CHURC1: variants seen among roughly 807,000 people sequenced by gnomAD.
The protein encoded by CHURC1 is protein Churchill.
Under a neutral mutation model 15.4 loss-of-function variants are expected in CHURC1, and 12 were observed. That is an observed-to-expected ratio of 0.78 (90% confidence interval 0.50 to 1.27). CHURC1 has a LOEUF of 1.27. CHURC1 is among the 50% of genes most tolerant of loss of function. The pLI, the probability that CHURC1 is intolerant of heterozygous loss-of-function variation, is 0.00. For missense variants in CHURC1, 132 were observed against 137.8 expected (o/e 0.96, Z 0.21); for synonymous variants, 42 against 47.5 (o/e 0.88, Z 0.48).
chr14:64,932,244 G>C lies in CHURC1; in HGVS notation c.*14G>C. ...CTCTTATTCTAAGGATCCTTCTACA[G>C]ATCTGTTATAACTATATTGTGTTGG... On this transcript the variant is annotated 3_prime_UTR_variant, in exon 4 of 4. Coordinates refer to ENST00000549115, the MANE Select transcript of CHURC1 (RefSeq NM_001386928.1). 1 of 1,613,514 alleles carries C rather than the reference G, an allele frequency of 6.2e-7. No individual in the cohort carries two copies. Among genetic ancestry groups the C allele is most frequent in the Non-Finnish European group, 8.5e-7 (1 of 1,179,626 alleles).
intron 3 of CHURC1, among the ~76,000 whole-genome samples, chr14:64,927,732 T>TCCCCCCCCC (rs1566830855): frequency 5.3e-4 from 57 of 106,604 alleles, no homozygotes; most frequent in Non-Finnish European, 7.4e-4. Flanking sequence ...CCCCCCGCCG[T>TCCCCCCCCC]CAATTCATAC....
chr14:64,918,549 C>T lies in CHURC1; in HGVS notation c.39+4015C>T, dbSNP rs554532279. On this transcript the variant is annotated intron_variant, in intron 1 of 3. Coordinates refer to ENST00000549115, the MANE Select transcript of CHURC1 (RefSeq NM_001386928.1). ...GAAGGGTAATAAGAAGATGGTGGGCCGGGCCTAGTGGCTCACACGTGTAAT... is the reference window on the plus strand; with the variant it reads ...GAAGGGTAATAAGAAGATGGTGGGCTGGGCCTAGTGGCTCACACGTGTAAT... Among the ~76,000 whole-genome samples, 13 of 152,238 alleles carry T rather than the reference C, an allele frequency of 8.5e-5. 2 individuals are homozygous for T. Among genetic ancestry groups the T allele is most frequent in the Middle Eastern group, 3.4e-3 (1 of 294 alleles).
At chr14:64,925,067 C>T (rs913433854) in intron 2 of CHURC1, among the ~76,000 whole-genome samples, 3 of 152,144 alleles carry the variant, frequency 2.0e-5, no homozygotes, top group Non-Finnish European at 4.4e-5. Context: ...AGCAAGGGCC[C>T]TGGAGCTAGG....
chr14:64,931,426 T>TG (rs1323129054), intron 3 of CHURC1, among the ~76,000 whole-genome samples: 1 of 151,988 alleles, frequency 6.6e-6, no homozygotes, highest in Non-Finnish European at 1.5e-5. Context: ...CTCAATTACT[T>TG]GGGGGTCTGA....
chr14:64,921,434 A>G (rs1007514621), intron 1 of CHURC1, among the ~76,000 whole-genome samples: 13 of 152,036 alleles, frequency 8.6e-5, no homozygotes, highest in African/African-American at 2.9e-4. Flanking sequence ...TTGGGAAAAA[A>G]CTTGTATCTA....
intron 3 of CHURC1, 131 bp downstream of exon 3, chr14:64,926,211 C>CTTTTTTT (rs3033502): frequency 2.1e-5 from 4 of 187,952 alleles, no homozygotes; most frequent in African/African-American, 6.5e-5. Context: ...GAGACTATGC[C>CTTTTTTT]TTTTTTTTTT....
chr14:64,927,727 CG>C (rs1263652170), intron 3 of CHURC1, among the ~76,000 whole-genome samples: 72 of 122,640 alleles, frequency 5.9e-4, no homozygotes, highest in Non-Finnish European at 9.4e-4. Context: ...CCCCCCCCCC[CG>C]CCGTCAATTC....
chr14:64,926,479 G>A (rs1443705083), intron 3 of CHURC1, among the ~76,000 whole-genome samples: 1 of 152,124 alleles, frequency 6.6e-6, no homozygotes, highest in Non-Finnish European at 1.5e-5. Context: ...TGTCATTTTT[G>A]TTTATAAAGA....
In CHURC1 at chr14:64,914,474, A is replaced by G. The variant is rs756800408; in HGVS notation, c.-22A>G. On this transcript the variant is annotated 5_prime_UTR_variant, in exon 1 of 4. Coordinates refer to ENST00000549115, the MANE Select transcript of CHURC1 (RefSeq NM_001386928.1). ...CGTCTTCCCGGAAGCGTTGGAGGAC[A>G]TTCCCTGTTGACTGCGTCGCGATGT... is the stretch of plus-strand genomic sequence containing the variant. 4 of 1,614,274 alleles carry G rather than the reference A, an allele frequency of 2.5e-6. No individual in the cohort carries two copies. The highest frequency in any genetic ancestry group is 2.2e-5 in the East Asian group (1 of 44,888).
chr14:64,914,482 T>G lies in CHURC1; in HGVS notation c.-14T>G. The G allele has an allele frequency of 1.2e-6, 2 of 1,614,270 alleles. No homozygotes were observed. The highest frequency in any genetic ancestry group is 1.7e-6 in the Non-Finnish European group (2 of 1,180,040). Reference sequence around the variant, plus strand: ...CGGAAGCGTTGGAGGACATTCCCTGTTGACTGCGTCGCGATGTGTGGCGAC... The same window carrying G: ...CGGAAGCGTTGGAGGACATTCCCTGGTGACTGCGTCGCGATGTGTGGCGAC... On this transcript the variant is annotated 5_prime_UTR_variant, in exon 1 of 4. Transcript: ENST00000549115.
At chr14:64,926,794 A>G (rs942359041) in intron 3 of CHURC1, among the ~76,000 whole-genome samples, 1 of 152,224 alleles carries the variant, frequency 6.6e-6, no homozygotes, top group African/African-American at 2.4e-5. Flanking sequence ...TAAGAGATTT[A>G]TCATAAGGAT....
chr14:64,921,457 A>G (rs1290168924), intron 1 of CHURC1, among the ~76,000 whole-genome samples: 2 of 138,944 alleles, frequency 1.4e-5, no homozygotes, highest in African/African-American at 5.9e-5. Context: ...ATATATAAAG[A>G]ACTCTTACAA....
Position 64,934,547 on chromosome 14 carries a change from T to A in CHURC1, c.*2317T>A. On this transcript the variant is annotated 3_prime_UTR_variant, in exon 4 of 4. Transcript: ENST00000549115. ...CTGGGCATGTCAGATGAAGATTTAT[T>A]ATTCAGAAAAGTTAAGTCAGCTGTT... is the stretch of plus-strand genomic sequence containing the variant. 1 of 985,438 alleles carries A rather than the reference T, an allele frequency of 1.0e-6. No homozygotes were observed. Among genetic ancestry groups the A allele is most frequent in the Non-Finnish European group, 1.2e-6 (1 of 829,932 alleles). The allele number at this position is 985,438 out of a possible 1,614,324, so 61.0% of individuals were successfully genotyped here.
At chr14:64,924,336 CT>C in intron 2 of CHURC1, 1 of 478,366 alleles carries the variant, frequency 2.1e-6, no homozygotes, top group Non-Finnish European at 3.2e-6. Context: ...ATAACTAAAG[CT>C]TACGATTCAG....
At chr14:64,931,468 A>G (rs1175730518) in intron 3 of CHURC1, among the ~76,000 whole-genome samples, 1 of 152,154 alleles carries the variant, frequency 6.6e-6, no homozygotes, top group East Asian at 1.9e-4. Context: ...CAGGAGGTCA[A>G]GGCTGCAGTG....
chr14:64,932,543 G>A lies in CHURC1; in HGVS notation c.*313G>A. 1 of 894,516 alleles carries A rather than the reference G, an allele frequency of 1.1e-6. No individual in the cohort carries two copies. Among genetic ancestry groups the A allele is most frequent in the Non-Finnish European group, 1.4e-6 (1 of 726,014 alleles). The allele number at this position is 894,516 out of a possible 1,614,324, so 55.4% of individuals were successfully genotyped here. On this transcript the variant is annotated 3_prime_UTR_variant, in exon 4 of 4. Coordinates refer to ENST00000549115, the MANE Select transcript of CHURC1 (RefSeq NM_001386928.1). ...TTTTGGTTTCCAATAAAAGGAACCA[G>A]GACTCCTTAGAAAATGAACTGATTC... is the stretch of plus-strand genomic sequence containing the variant.
At chr14:64,922,318 C>T (rs542542021) in intron 1 of CHURC1, among the ~76,000 whole-genome samples, 1 of 151,942 alleles carries the variant, frequency 6.6e-6, no homozygotes, top group African/African-American at 2.4e-5. Context: ...GTGGCTCATT[C>T]CTGTAATCCC....
At chr14:64,924,935 C>A (rs150480787) in intron 2 of CHURC1, among the ~76,000 whole-genome samples, 31 of 152,244 alleles carry the variant, frequency 2.0e-4, no homozygotes, top group African/African-American at 6.3e-4. Context: ...AGACAGCAGG[C>A]CTTTAGAATG....
intron 1 of CHURC1, among the ~76,000 whole-genome samples, chr14:64,915,640 C>G (rs1427435150): frequency 6.6e-6 from 1 of 152,160 alleles, no homozygotes; most frequent in African/African-American, 2.4e-5. Flanking sequence ...AATACTTAGG[C>G]TTTTGAGTAG....
Sources: gnomAD v4.1 joint callset for allele counts (sites outside exome capture counted in the v4.1 genomes callset) on GRCh38, gnomAD v4.1.1 for gene constraint, MANE v1.5 for transcripts, NCBI Gene and HGNC (gene_info 2026-07-23, HGNC 2026-07-21) for gene names.